Variants in WWP1 observed in about 807,000 individuals in gnomAD.
The protein encoded by WWP1 is NEDD4-like E3 ubiquitin-protein ligase WWP1.
WWP1 carries 49 observed loss-of-function variants against 130.6 expected under a neutral mutation model. The ratio of observed to expected loss-of-function variants is 0.38; its 90% CI spans 0.30 to 0.48. The LOEUF is 0.48. WWP1 is among the 20% of genes least tolerant of loss of function. The pLI, the probability that WWP1 is intolerant of heterozygous loss-of-function variation, is 0.99. For synonymous variants in WWP1, 332 were observed against 367.8 expected (o/e 0.90, Z 1.11); for missense variants, 809 against 1,100.6 (o/e 0.74, Z 3.75).
intron 14 of WWP1, among the ~76,000 whole-genome samples, chr8:86,434,490 A>T (rs2130693661): frequency 6.6e-6 from 1 of 152,202 alleles, no homozygotes; most frequent in Non-Finnish European, 1.5e-5. Context: ...CTCAAATGTC[A>T]CTTTGTCTGT....
At chr8:86,379,294 T>A (rs371181355) in intron 3 of WWP1, among the ~76,000 whole-genome samples, 1 of 152,180 alleles carries the variant, frequency 6.6e-6, no homozygotes, top group Non-Finnish European at 1.5e-5. Context: ...AGACATAACA[T>A]TGAACACTCT....
intron 7 of WWP1, among the ~76,000 whole-genome samples, chr8:86,400,116 G>A (rs1245620551): frequency 2.0e-5 from 3 of 152,046 alleles, no homozygotes; most frequent in Non-Finnish European, 2.9e-5. Context: ...AGATCATGAG[G>A]TCAGGAGTTC....
At chr8:86,404,427 T>C (rs1054805587) in intron 8 of WWP1, among the ~76,000 whole-genome samples, 2 of 152,224 alleles carry the variant, frequency 1.3e-5, no homozygotes, top group Non-Finnish European at 2.9e-5. Flanking sequence ...GCTTTCCTCA[T>C]CATAGAATCT....
chr8:86,376,082 A>G (rs1824631615), intron 3 of WWP1, among the ~76,000 whole-genome samples: 1 of 152,206 alleles, frequency 6.6e-6, no homozygotes, highest in Non-Finnish European at 1.5e-5. Flanking sequence ...AACAGTTCTG[A>G]TGAAGCTGAT....
intron 1 of WWP1, among the ~76,000 whole-genome samples, chr8:86,363,942 GGTTA>G (rs1339066834): frequency 1.3e-5 from 2 of 152,230 alleles, no homozygotes; most frequent in East Asian, 1.9e-4. Flanking sequence ...TTGAAAGGGT[GGTTA>G]GTTAGTTTTG....
chr8:86,439,179 T>TA (rs1204462884), intron 17 of WWP1, among the ~76,000 whole-genome samples: 3 of 151,844 alleles, frequency 2.0e-5, no homozygotes, highest in Admixed American at 6.6e-5. Flanking sequence ...CCGTCTCTAC[T>TA]AAAAATAAAA....
At chr8:86,364,874 A>G (rs1586268208) in intron 1 of WWP1, among the ~76,000 whole-genome samples, 1 of 151,926 alleles carries the variant, frequency 6.6e-6, no homozygotes. Flanking sequence ...GAAAGAGAGA[A>G]AGAAAGAAAG....
At chr8:86,393,001 A>T (rs890818706) in intron 5 of WWP1, among the ~76,000 whole-genome samples, 3 of 150,062 alleles carry the variant, frequency 2.0e-5, no homozygotes, top group South Asian at 2.1e-4. Context: ...ATTATTAGAT[A>T]AAAAAATGAG....
intron 8 of WWP1, among the ~76,000 whole-genome samples, chr8:86,407,510 T>G (rs2130540343): frequency 6.6e-6 from 1 of 152,298 alleles, no homozygotes; most frequent in African/African-American, 2.4e-5. Flanking sequence ...TACCTTCTCC[T>G]AGTTGTGATG....
At chr8:86,456,567 A>G (rs1247039911) in intron 21 of WWP1, among the ~76,000 whole-genome samples, 1 of 151,974 alleles carries the variant, frequency 6.6e-6, no homozygotes, top group South Asian at 2.1e-4. Flanking sequence ...TTAAATGTAC[A>G]TCTACCTTAT....
intron 3 of WWP1, among the ~76,000 whole-genome samples, chr8:86,374,790 G>A (rs1484060594): frequency 6.6e-6 from 1 of 151,808 alleles, no homozygotes; most frequent in African/African-American, 2.4e-5. Flanking sequence ...CCTCCTTGTA[G>A]CCTCAAACTA....
At chr8:86,455,049 T>G (rs1811363216) in intron 21 of WWP1, among the ~76,000 whole-genome samples, 1 of 152,078 alleles carries the variant, frequency 6.6e-6, no homozygotes, top group Admixed American at 6.6e-5. Flanking sequence ...TATACTATTA[T>G]TCACAATAAT....
At chr8:86,355,443 T>C (rs764179612) in intron 1 of WWP1, among the ~76,000 whole-genome samples, 5 of 152,342 alleles carry the variant, frequency 3.3e-5, no homozygotes, top group Middle Eastern at 3.4e-3. Flanking sequence ...TGCCAAAATA[T>C]TAAAAATTTT....
intron 11 of WWP1, among the ~76,000 whole-genome samples, chr8:86,429,333 G>C (rs1241371268): frequency 6.6e-6 from 1 of 152,118 alleles, no homozygotes; most frequent in African/African-American, 2.4e-5. Context: ...TGATCTTTAT[G>C]GCCACGTTTC....
At chr8:86,452,070 A>G (rs1299166115) in intron 20 of WWP1, among the ~76,000 whole-genome samples, 1 of 152,132 alleles carries the variant, frequency 6.6e-6, no homozygotes, top group Non-Finnish European at 1.5e-5. Context: ...ACATATGGTC[A>G]TTACATACTG....
chr8:86,410,315 A>C (rs1266713875), intron 8 of WWP1, among the ~76,000 whole-genome samples: 1 of 152,194 alleles, frequency 6.6e-6, no homozygotes, highest in Non-Finnish European at 1.5e-5. Flanking sequence ...AGGAGGGATG[A>C]TATTAGAACT....
intron 5 of WWP1, among the ~76,000 whole-genome samples, chr8:86,393,743 T>G (rs1203198900): frequency 6.6e-6 from 1 of 152,230 alleles, no homozygotes; most frequent in Non-Finnish European, 1.5e-5. Flanking sequence ...CTCATACTTT[T>G]GAGTATGTTG....
intron 18 of WWP1, among the ~76,000 whole-genome samples, chr8:86,445,979 T>TTCTTTTC (rs1245913180): frequency 2.8e-4 from 20 of 71,746 alleles, no homozygotes; most frequent in South Asian, 7.0e-4. Flanking sequence ...TTCTTTTCTT[T>TTCTTTTC]TTTTTTTTTT....
chr8:86,466,901 T>G lies in WWP1; in HGVS notation c.*8T>G. On this transcript the variant is annotated 3_prime_UTR_variant, in exon 25 of 25. Coordinates refer to ENST00000517970, the MANE Select transcript of WWP1 (RefSeq NM_007013.4). Reference sequence around the variant, plus strand: ...GGATTTGGACAAGAATGAATGTGGCTTCTTATTTTGGAGGAGCTCTTGCAT... The same window carrying G: ...GGATTTGGACAAGAATGAATGTGGCGTCTTATTTTGGAGGAGCTCTTGCAT... 6.3e-7 allele frequency: 1 copy of G among 1,598,044 alleles called. No individual in the cohort carries two copies. Among genetic ancestry groups the G allele is most frequent in the South Asian group, 1.1e-5 (1 of 89,086 alleles).
Sources: allele counts gnomAD v4.1 joint callset (sites outside exome capture counted in the v4.1 genomes callset), GRCh38; gene constraint gnomAD v4.1.1; transcripts MANE v1.5; gene names NCBI Gene and HGNC (gene_info 2026-07-23, HGNC 2026-07-21).